PDZD2: variants seen among roughly 807,000 people sequenced by gnomAD.
PDZD2 encodes PDZ domain containing 2.
Under a neutral mutation model 220.7 loss-of-function variants are expected in PDZD2, and 90 were observed. The ratio of observed to expected loss-of-function variants is 0.41; its 90% CI spans 0.34 to 0.49. The LOEUF (loss-of-function observed/expected upper bound fraction) is 0.49. Ranked by LOEUF, PDZD2 falls within the 20% of genes least tolerant of loss-of-function variation. The pLI is 0.28. For missense variants in PDZD2, 3,174 were observed against 3,608.5 expected, an observed-to-expected ratio of 0.88 and a Z score of 3.08; for synonymous variants, 1,375 against 1,450.5, an observed-to-expected ratio of 0.95 and a Z score of 1.18.
At position 32,087,646 on chromosome 5, in the gene PDZD2, A is replaced by T; in HGVS notation, c.4198A>T (p.Thr1400Ser). ...PQASLSMLPS[T>S]DNTKEACGHV... ...GGCCAGCCTCTCCATGCTGCCATCC[A>T]CTGACAACACCAAAGAAGCATGTGG... Residue 1400 changes from threonine (T) to serine (S), a missense_variant, in exon 20 of 25, where the codon ACT becomes TCT. Physicochemically the swap from Thr to Ser is moderately conservative, Grantham distance 58 (BLOSUM62 1). Coordinates refer to ENST00000438447, the MANE Select transcript of PDZD2 (RefSeq NM_178140.4). The surrounding 1 kb of genome is among the most constrained non-coding windows in gnomAD (Gnocchi z 4.0). The T allele has an allele frequency of 6.2e-7, 1 of 1,614,122 alleles. No homozygotes were observed. The highest frequency in any genetic ancestry group is 8.5e-7 in the Non-Finnish European group (1 of 1,180,014).
At position 31,971,785 on chromosome 5, in the gene PDZD2, A is replaced by C. The variant is rs944165248; in HGVS notation, c.477-11370A>C. ...CAAAACTCAGTGGCTCCCCATTTGC[A>C]CAAAGGTCTTTAACAACAGCCTAGA... On this transcript the variant is annotated intron_variant, in intron 2 of 24. Coordinates refer to ENST00000438447, the MANE Select transcript of PDZD2 (RefSeq NM_178140.4). 2.7e-4 allele frequency among the ~76,000 whole-genome samples: 41 copies of C among 151,982 alleles called. 1 individual carries two copies. The highest frequency in any genetic ancestry group is 1.9e-4 in the African/African-American group (8 of 41,334).
chr5:31,884,259 A>ACATACATCCATCCATCCATCCATC (rs923352259), intron 2 of PDZD2, among the ~76,000 whole-genome samples: 82 of 151,678 alleles, frequency 5.4e-4, no homozygotes, highest in African/African-American at 1.8e-3. Flanking sequence ...ATACATACAT[A>ACATACATCCATCCATCCATCCATC]CATCCTGGGT....
At chr5:32,104,362 A>T (rs917678915) in intron 24 of PDZD2, among the ~76,000 whole-genome samples, 22 of 147,016 alleles carry the variant, frequency 1.5e-4, no homozygotes, top group African/African-American at 5.4e-4. Context: ...ATAATAAAGA[A>T]TTTTTTTTTT....
intron 1 of PDZD2, among the ~76,000 whole-genome samples, chr5:31,678,123 A>G (rs1442959989): frequency 1.3e-5 from 2 of 152,250 alleles, no homozygotes; most frequent in East Asian, 1.9e-4. Flanking sequence ...CATGGGGGAC[A>G]GATGGTCAGC....
chr5:31,655,120 T>A (rs542899646), intron 1 of PDZD2, among the ~76,000 whole-genome samples: 2 of 152,224 alleles, frequency 1.3e-5, no homozygotes, highest in East Asian at 3.9e-4. Context: ...CATGGCTTCA[T>A]ATCCCTCTTC....
intron 2 of PDZD2, among the ~76,000 whole-genome samples, chr5:31,973,664 G>A (rs1431607419): frequency 6.6e-6 from 1 of 152,094 alleles, no homozygotes; most frequent in African/African-American, 2.4e-5. Flanking sequence ...CAATCATAGA[G>A]TAAAATATCT....
At chr5:32,022,182 TTTGTTTTTTTG>T (rs1754252772) in intron 6 of PDZD2, among the ~76,000 whole-genome samples, 1 of 94,506 alleles carries the variant, frequency 1.1e-5, no homozygotes, top group Non-Finnish European at 2.5e-5. Flanking sequence ...GTTTTGTTTT[TTTGTTTTTTTG>T]TTTTTTGTTT....
intron 1 of PDZD2, among the ~76,000 whole-genome samples, chr5:31,746,382 C>T (rs1380999383): frequency 6.6e-6 from 1 of 152,138 alleles, no homozygotes; most frequent in Non-Finnish European, 1.5e-5. Flanking sequence ...CTAGGATCAG[C>T]AGGAAACAGA....
intron 7 of PDZD2, among the ~76,000 whole-genome samples, chr5:32,040,529 TG>T (rs1755995259): frequency 7.2e-6 from 1 of 139,210 alleles, no homozygotes; most frequent in Non-Finnish European, 1.5e-5. Context: ...GTCTGGGAGA[TG>T]AGGAGCGCCT....
chr5:32,054,120 C>T (rs971661137), intron 10 of PDZD2, among the ~76,000 whole-genome samples: 17 of 151,948 alleles, frequency 1.1e-4, no homozygotes, highest in Non-Finnish European at 2.2e-4. Context: ...TGGCTTAATA[C>T]TTCTGTTGGG....
At position 32,110,855 on chromosome 5, in the gene PDZD2, G is replaced by GTT. The variant is rs1449268116; in HGVS notation, c.*2721_*2722dup. Reference sequence around the variant, plus strand: ...TACATTTTAAAAATGTTGTCACCAAGTTATATAAATCCACATCTCTGTAAA... The same window carrying GTT: ...TACATTTTAAAAATGTTGTCACCAAGTTTTATATAAATCCACATCTCTGTAAA... On this transcript the variant is annotated 3_prime_UTR_variant, in exon 25 of 25. Coordinates refer to ENST00000438447, the MANE Select transcript of PDZD2 (RefSeq NM_178140.4). The GTT allele has an allele frequency of 6.6e-6, 1 of 152,182 alleles. No individual in the cohort carries two copies. The allele number at this position is 152,182 out of a possible 1,614,324, so 9.4% of individuals were successfully genotyped here. A position where few individuals can be genotyped will look rare whatever the true frequency, so the allele number is the denominator to read the frequency against.
At chr5:31,691,315 GGTGA>G (rs1561386251) in intron 1 of PDZD2, among the ~76,000 whole-genome samples, 1 of 152,052 alleles carries the variant, frequency 6.6e-6, no homozygotes, top group African/African-American at 2.4e-5. Flanking sequence ...AGACCTTCGC[GGTGA>G]GTGTTACAGC....
intron 2 of PDZD2, among the ~76,000 whole-genome samples, chr5:31,974,131 C>T (rs892444036): frequency 6.6e-6 from 1 of 152,172 alleles, no homozygotes; most frequent in African/African-American, 2.4e-5. Flanking sequence ...CAGGCACCCG[C>T]TACCACGCCC....
At chr5:31,767,711 G>T (rs1752109610) in intron 1 of PDZD2, among the ~76,000 whole-genome samples, 1 of 152,174 alleles carries the variant, frequency 6.6e-6, no homozygotes, top group Non-Finnish European at 1.5e-5. Flanking sequence ...TATTGATGGG[G>T]CCTGCAGACT....
At chr5:31,718,859 C>T (rs1226528880) in intron 1 of PDZD2, among the ~76,000 whole-genome samples, 1 of 152,114 alleles carries the variant, frequency 6.6e-6, no homozygotes, top group Non-Finnish European at 1.5e-5. Flanking sequence ...TGCCACCACA[C>T]CCAGGTAATT....
intron 7 of PDZD2, among the ~76,000 whole-genome samples, chr5:32,046,236 G>GTTTTGT (rs1003799047): frequency 1.3e-5 from 2 of 152,040 alleles, no homozygotes; most frequent in African/African-American, 2.4e-5. Context: ...TACTATAGAA[G>GTTTTGT]TTTTGTTTTT....
At chr5:31,897,841 A>G (rs1040655714) in intron 2 of PDZD2, among the ~76,000 whole-genome samples, 14 of 152,132 alleles carry the variant, frequency 9.2e-5, no homozygotes, top group Non-Finnish European at 2.1e-4. Flanking sequence ...GGTTCAAGCA[A>G]TTCTCCTGCC....
At chr5:31,693,240 CTTTTTT>C (rs10650316) in intron 1 of PDZD2, among the ~76,000 whole-genome samples, 3 of 87,772 alleles carry the variant, frequency 3.4e-5, no homozygotes, top group East Asian at 3.9e-4. Flanking sequence ...TGGGAAAGCA[CTTTTTT>C]TTTTTTTTTT....
chr5:32,109,252 T>TAA lies in PDZD2; in HGVS notation c.*1118_*1119dup, dbSNP rs946492307. On this transcript the variant is annotated 3_prime_UTR_variant, in exon 25 of 25. Coordinates refer to ENST00000438447, the MANE Select transcript of PDZD2 (RefSeq NM_178140.4). Reference sequence around the variant, plus strand: ...AACATGTTTAAGAAATGTAACATTCTAAGTATTGGATCTCTTTTCTTGACC... The same window carrying TAA: ...AACATGTTTAAGAAATGTAACATTCTAAAAGTATTGGATCTCTTTTCTTGACC... The TAA allele has an allele frequency of 2.0e-5, 3 of 151,332 alleles. No homozygotes were observed. Among genetic ancestry groups the TAA allele is most frequent in the African/African-American group, 7.4e-5 (3 of 40,606 alleles). 9.4% of individuals were successfully genotyped at this position (151,332 alleles called of 1,614,324 possible).
Sources: gnomAD v4.1 joint callset for allele counts (sites outside exome capture counted in the v4.1 genomes callset) on GRCh38, gnomAD v4.1.1 for gene constraint, Gnocchi (gnomAD v3.1) non-coding constraint, MANE v1.5 for transcripts, NCBI Gene and HGNC (gene_info 2026-07-23, HGNC 2026-07-21) for gene names.